Variants in AGMO observed in about 807,000 individuals in gnomAD.
The protein encoded by AGMO is alkylglycerol monooxygenase.
Under a neutral mutation model 60.2 loss-of-function variants are expected in AGMO, and 75 were observed. The observed-to-expected ratio is 1.25, with a 90% CI of 1.03 to 1.51. The LOEUF (loss-of-function observed/expected upper bound fraction) is 1.51, where lower values mean the gene tolerates loss of function less well. Ranked by LOEUF, AGMO falls within the 40% of genes most tolerant of loss-of-function variation. The pLI, the probability that AGMO is intolerant of heterozygous loss-of-function variation, is 0.00. For missense variants in AGMO, 763 were observed against 525.5 expected (o/e 1.45, Z -4.42); for synonymous variants, 261 against 177.1 (o/e 1.47, Z -3.76).
chr7:15,472,257 T>A (rs1386907819), intron 3 of AGMO, among the ~76,000 whole-genome samples: 1 of 151,892 alleles, frequency 6.6e-6, no homozygotes, highest in African/African-American at 2.4e-5. Flanking sequence ...TAAAGACTCA[T>A]GCAATGGTTG....
intron 5 of AGMO, among the ~76,000 whole-genome samples, 155 bp from the exon 6 acceptor site, chr7:15,394,334 A>C (rs1434523251): frequency 6.6e-6 from 1 of 152,194 alleles, no homozygotes; most frequent in African/African-American, 2.4e-5. Flanking sequence ...GAAATCTGGA[A>C]TTCATATAAA....
chr7:15,461,994 A>G (rs1782155720), intron 3 of AGMO, among the ~76,000 whole-genome samples: 1 of 152,142 alleles, frequency 6.6e-6, no homozygotes, highest in African/African-American at 2.4e-5. Flanking sequence ...TCTTCAAATG[A>G]CCACAAGTCC....
At chr7:15,239,025 T>A (rs1357801244) in intron 12 of AGMO, among the ~76,000 whole-genome samples, 1 of 152,084 alleles carries the variant, frequency 6.6e-6, no homozygotes, top group African/African-American at 2.4e-5. Context: ...AAAGAATAAA[T>A]AACCTTTCCA....
At chr7:15,356,321 T>C (rs1029982532) in intron 12 of AGMO, among the ~76,000 whole-genome samples, 2 of 152,152 alleles carry the variant, frequency 1.3e-5, no homozygotes, top group African/African-American at 4.8e-5. Context: ...CAGATATGTA[T>C]AGTCAACAGT....
chr7:15,290,987 CCG>C (rs1400039416), intron 12 of AGMO, among the ~76,000 whole-genome samples: 4 of 151,806 alleles, frequency 2.6e-5, no homozygotes, highest in South Asian at 4.2e-4. Flanking sequence ...AAATTTAGCT[CCG>C]TTTTTTCGAA....
chr7:15,477,153 T>C (rs1378983583), intron 3 of AGMO, among the ~76,000 whole-genome samples: 1 of 152,064 alleles, frequency 6.6e-6, no homozygotes, highest in African/African-American at 2.4e-5. Flanking sequence ...AAAGAGAACT[T>C]CTCAAAATTG....
chr7:15,552,492 C>T (rs992165895), intron 2 of AGMO, among the ~76,000 whole-genome samples: 1 of 150,008 alleles, frequency 6.7e-6, no homozygotes, highest in African/African-American at 2.4e-5. Context: ...CAAACAACCC[C>T]ATCAAAAAGT....
At chr7:15,460,106 C>CCT (rs1554274950) in intron 3 of AGMO, among the ~76,000 whole-genome samples, 1 of 121,706 alleles carries the variant, frequency 8.2e-6, no homozygotes. Flanking sequence ...CCAATTTCCC[C>CCT]TTTTTTTTTT....
intron 3 of AGMO, among the ~76,000 whole-genome samples, chr7:15,525,038 A>G (rs1048877671): frequency 6.6e-6 from 1 of 152,068 alleles, no homozygotes; most frequent in Non-Finnish European, 1.5e-5. Flanking sequence ...ACCCCAGAAA[A>G]ACCTTAAAAA....
intron 2 of AGMO, among the ~76,000 whole-genome samples, chr7:15,557,796 A>T (rs1206771192): frequency 2.6e-5 from 4 of 152,114 alleles, no homozygotes; most frequent in Non-Finnish European, 5.9e-5. Flanking sequence ...CAAGGAAGAA[A>T]GGAGTAATTT....
chr7:15,374,498 T>C (rs1009787452), intron 10 of AGMO, among the ~76,000 whole-genome samples: 4 of 152,100 alleles, frequency 2.6e-5, no homozygotes, highest in Admixed American at 6.6e-5. Flanking sequence ...AAATATTAGA[T>C]ATGTAACAAT....
intron 3 of AGMO, among the ~76,000 whole-genome samples, chr7:15,476,628 T>C (rs1782600316): frequency 6.6e-6 from 1 of 152,116 alleles, no homozygotes; most frequent in African/African-American, 2.4e-5. Flanking sequence ...TCTGTTTAAT[T>C]TGCAGTCTCT....
At chr7:15,334,282 CAAA>C (rs900936308) in intron 12 of AGMO, among the ~76,000 whole-genome samples, 1 of 143,512 alleles carries the variant, frequency 7.0e-6, no homozygotes, top group Non-Finnish European at 1.5e-5. Context: ...ATAAAATTAT[CAAA>C]AAAGTGTTAT....
chr7:15,558,306 T>C (rs1339232348), intron 2 of AGMO, among the ~76,000 whole-genome samples: 2 of 152,056 alleles, frequency 1.3e-5, no homozygotes, highest in Non-Finnish European at 2.9e-5. Context: ...ACAAATGCAT[T>C]CCAATTCAGT....
chr7:15,541,669 G>A (rs747750641), intron 3 of AGMO, among the ~76,000 whole-genome samples: 1 of 151,886 alleles, frequency 6.6e-6, no homozygotes, highest in Non-Finnish European at 1.5e-5. Context: ...GAATTCAAAT[G>A]TTGAGAATAA....
At chr7:15,377,740 A>T (rs1020550922) in intron 10 of AGMO, among the ~76,000 whole-genome samples, 1 of 152,050 alleles carries the variant, frequency 6.6e-6, no homozygotes, top group South Asian at 2.1e-4. Flanking sequence ...TTTAAGCTCT[A>T]TTAATGATGT....
At chr7:15,560,506 T>C (rs1407743264) in intron 1 of AGMO, among the ~76,000 whole-genome samples, 1 of 152,102 alleles carries the variant, frequency 6.6e-6, no homozygotes, top group East Asian at 1.9e-4. Flanking sequence ...TGAAATGTAA[T>C]CATAGATATA....
At chr7:15,548,783 A>C (rs1213307765) in intron 2 of AGMO, among the ~76,000 whole-genome samples, 1 of 152,188 alleles carries the variant, frequency 6.6e-6, no homozygotes, top group Non-Finnish European at 1.5e-5. Context: ...CTAGCAAGGC[A>C]GGCCAACGTT....
intron 6 of AGMO, among the ~76,000 whole-genome samples, chr7:15,393,809 C>G (rs1220781661): frequency 2.0e-5 from 3 of 152,128 alleles, no homozygotes; most frequent in African/African-American, 7.2e-5. Context: ...TCCTTTAAAA[C>G]ATAAAATGTG....
Sources: gnomAD v4.1 joint callset for allele counts (sites outside exome capture counted in the v4.1 genomes callset) on GRCh38, gnomAD v4.1.1 for gene constraint, MANE v1.5 for transcripts, NCBI Gene and HGNC (gene_info 2026-07-23, HGNC 2026-07-21) for gene names.